Variants in ERBB4 observed in about 807,000 individuals in gnomAD.
ERBB4 encodes the protein receptor tyrosine-protein kinase erbB-4.
ERBB4 carries 42 observed loss-of-function variants against 158.0 expected under a neutral mutation model. The ratio of observed to expected loss-of-function variants is 0.27; its 90% CI spans 0.21 to 0.34. ERBB4 has a LOEUF of 0.34. Ranked by LOEUF, ERBB4 falls within the 10% of genes least tolerant of loss-of-function variation. The pLI is 1.00. For synonymous variants in ERBB4, 583 were observed against 558.7 expected (o/e 1.04, Z -0.61); for missense variants, 1,333 against 1,624.1 (o/e 0.82, Z 3.08).
chr2:211,681,376 C>A (rs544088591), intron 12 of ERBB4, among the ~76,000 whole-genome samples: 4 of 151,968 alleles, frequency 2.6e-5, no homozygotes, highest in Admixed American at 6.6e-5. Flanking sequence ...AGATAAATAC[C>A]CAGGAGAGGA....
chr2:211,837,962 G>A (rs1455924109), intron 3 of ERBB4, among the ~76,000 whole-genome samples: 1 of 152,002 alleles, frequency 6.6e-6, no homozygotes, highest in East Asian at 1.9e-4. Context: ...CACATGGGAG[G>A]AGCTCTGTGG....
At chr2:212,172,284 G>T (rs935833154) in intron 1 of ERBB4, among the ~76,000 whole-genome samples, 1 of 108,416 alleles carries the variant, frequency 9.2e-6, no homozygotes, top group Non-Finnish European at 2.1e-5. Context: ...CAAGGTTGTG[G>T]AGAAAAAGGA....
chr2:212,163,685 G>A (rs1036528710), intron 1 of ERBB4, among the ~76,000 whole-genome samples: 1 of 151,842 alleles, frequency 6.6e-6, no homozygotes, highest in African/African-American at 2.4e-5. Flanking sequence ...ACCATTAAAA[G>A]CCAGTTATAC....
intron 3 of ERBB4, among the ~76,000 whole-genome samples, chr2:211,893,241 T>A (rs1448078215): frequency 2.1e-5 from 3 of 144,184 alleles, no homozygotes; most frequent in African/African-American, 5.5e-5. Flanking sequence ...AACAGAGCCC[T>A]CAGAAATAAC....
At chr2:211,554,054 T>C (rs1261465466) in intron 20 of ERBB4, among the ~76,000 whole-genome samples, 2 of 152,210 alleles carry the variant, frequency 1.3e-5, no homozygotes, top group Non-Finnish European at 2.9e-5. Flanking sequence ...ATGGAATTAA[T>C]GATGAGACAC....
chr2:211,764,675 CT>C (rs963442522), intron 4 of ERBB4, among the ~76,000 whole-genome samples: 1 of 152,236 alleles, frequency 6.6e-6, no homozygotes, highest in African/African-American at 2.4e-5. Flanking sequence ...AGCCCATACT[CT>C]TAACCAATAC....
At chr2:211,837,442 G>C (rs757819601) in intron 3 of ERBB4, among the ~76,000 whole-genome samples, 3 of 152,092 alleles carry the variant, frequency 2.0e-5, no homozygotes, top group African/African-American at 4.8e-5. Flanking sequence ...CTAAAGCATA[G>C]AGGATTAAGG....
intron 2 of ERBB4, among the ~76,000 whole-genome samples, chr2:212,024,481 AG>A (rs1298502814): frequency 6.6e-6 from 1 of 151,564 alleles, no homozygotes; most frequent in Non-Finnish European, 1.5e-5. Context: ...TTCACACAGA[AG>A]TTCTAAGACA....
chr2:212,169,519 A>T (rs756521308), intron 1 of ERBB4, among the ~76,000 whole-genome samples: 17 of 152,168 alleles, frequency 1.1e-4, no homozygotes, highest in Non-Finnish European at 2.2e-4. Flanking sequence ...CTCAAGACAG[A>T]TTAAAGACTT....
At chr2:212,077,569 A>G (rs2078310630) in intron 2 of ERBB4, among the ~76,000 whole-genome samples, 1 of 152,008 alleles carries the variant, frequency 6.6e-6, no homozygotes, top group Non-Finnish European at 1.5e-5. Flanking sequence ...TCCAATTTAT[A>G]TAGATGTAAA....
intron 3 of ERBB4, among the ~76,000 whole-genome samples, chr2:211,902,610 TTCTGAATTCTTTAAATA>T (rs1403981607): frequency 2.6e-5 from 4 of 151,846 alleles, no homozygotes; most frequent in African/African-American, 4.8e-5. Flanking sequence ...TCTTCTTTCC[TTCTGAATTCTTTAAATA>T]TCTGGGCAAA....
chr2:212,279,489 T>C (rs1261143744), intron 1 of ERBB4, among the ~76,000 whole-genome samples: 2 of 151,672 alleles, frequency 1.3e-5, no homozygotes, highest in African/African-American at 2.4e-5. Context: ...ATCTGCCATA[T>C]ACTTACCACA....
chr2:211,946,083 C>A (rs1218716075), intron 3 of ERBB4, among the ~76,000 whole-genome samples: 1 of 151,718 alleles, frequency 6.6e-6, no homozygotes, highest in East Asian at 1.9e-4. Context: ...TAAAAAAACT[C>A]CATTCTTCAG....
intron 20 of ERBB4, among the ~76,000 whole-genome samples, chr2:211,487,009 T>A (rs1025434859): frequency 1.2e-4 from 18 of 152,030 alleles, no homozygotes; most frequent in East Asian, 1.9e-4. Context: ...TAGTTTTTTT[T>A]ATTATACTTT....
At chr2:211,734,692 G>A (rs908007646) in intron 5 of ERBB4, among the ~76,000 whole-genome samples, 10 of 149,174 alleles carry the variant, frequency 6.7e-5, no homozygotes, top group East Asian at 2.0e-4. Context: ...AGGCCAAGGC[G>A]GGCGGATCAT....
intron 1 of ERBB4, among the ~76,000 whole-genome samples, chr2:212,339,127 A>G (rs1001123861): frequency 6.6e-6 from 1 of 152,108 alleles, no homozygotes; most frequent in African/African-American, 2.4e-5. Flanking sequence ...TATTAAGTCC[A>G]GCATGCATTA....
intron 20 of ERBB4, among the ~76,000 whole-genome samples, chr2:211,513,357 C>CAAAAAAAAAAAAAAAAAAAA (rs61042785): frequency 2.6e-5 from 1 of 39,200 alleles, no homozygotes; most frequent in African/African-American, 6.6e-5. Flanking sequence ...GACTCCGTCT[C>CAAAAAAAAAAAAAAAAAAAA]AAAAAAAAAA....
chr2:211,780,924 A>G (rs1455346266), intron 4 of ERBB4, among the ~76,000 whole-genome samples: 1 of 152,196 alleles, frequency 6.6e-6, no homozygotes, highest in East Asian at 1.9e-4. Context: ...TTATTTAAAA[A>G]TATCTTTTGA....
intron 14 of ERBB4, among the ~76,000 whole-genome samples, chr2:211,669,746 C>T (rs1382049628): frequency 6.6e-6 from 1 of 152,104 alleles, no homozygotes; most frequent in African/African-American, 2.4e-5. Flanking sequence ...TCCCTGAAAG[C>T]ATTTTATCCC....
Sources: gnomAD v4.1 joint callset for allele counts (sites outside exome capture counted in the v4.1 genomes callset) on GRCh38, gnomAD v4.1.1 for gene constraint, MANE v1.5 for transcripts, NCBI Gene and HGNC (gene_info 2026-07-23, HGNC 2026-07-21) for gene names.